Variants in KALRN observed in about 807,000 individuals in gnomAD.
KALRN encodes kalirin RhoGEF kinase, also known as kalirin.
In KALRN, 70 loss-of-function variants were observed where a neutral mutation model predicts 353.7. The observed-to-expected ratio is 0.20, with a 90% confidence interval of 0.16 to 0.24. The LOEUF (loss-of-function observed/expected upper bound fraction) is 0.24. KALRN is among the 10% of genes least tolerant of loss of function. KALRN has a pLI of 1.00. For missense variants in KALRN, 2,791 were observed against 3,756.7 expected, an observed-to-expected ratio of 0.74 and a Z score of 6.72; for synonymous variants, 1,391 against 1,434.8, an observed-to-expected ratio of 0.97 and a Z score of 0.69.
At chr3:124,122,374 A>T (rs999836529) in intron 1 of KALRN, among the ~76,000 whole-genome samples, 5 of 152,138 alleles carry the variant, frequency 3.3e-5, no homozygotes, top group Admixed American at 6.5e-5. Flanking sequence ...AATGATATGC[A>T]TGAAAGCTTG....
intron 1 of KALRN, among the ~76,000 whole-genome samples, chr3:124,035,409 A>G (rs1174268401): frequency 6.6e-6 from 1 of 152,170 alleles, no homozygotes; most frequent in Non-Finnish European, 1.5e-5. Context: ...CAGTCAATCA[A>G]AAACCCAGCT....
At chr3:124,337,730 C>T (rs529108830) in intron 9 of KALRN, among the ~76,000 whole-genome samples, 1 of 152,306 alleles carries the variant, frequency 6.6e-6, no homozygotes, top group South Asian at 2.1e-4. Context: ...ACCAGCTCCT[C>T]TTTGTATCTC....
chr3:124,354,196 AT>A (rs1258791572), intron 10 of KALRN, among the ~76,000 whole-genome samples: 1 of 152,210 alleles, frequency 6.6e-6, no homozygotes, highest in African/African-American at 2.4e-5. Flanking sequence ...TTCAGAAGAA[AT>A]TGGGGTTTTA....
chr3:124,288,802 A>C (rs1403605411), intron 5 of KALRN, among the ~76,000 whole-genome samples: 1 of 152,168 alleles, frequency 6.6e-6, no homozygotes, highest in East Asian at 1.9e-4. Flanking sequence ...TGGAAGTAAA[A>C]GGCATATTCC....
At chr3:124,328,569 T>G (rs889607977) in intron 7 of KALRN, among the ~76,000 whole-genome samples, 2 of 152,226 alleles carry the variant, frequency 1.3e-5, no homozygotes, top group African/African-American at 4.8e-5. Context: ...GATCTTAGCA[T>G]GTACATATTA....
At chr3:124,247,823 G>A (rs1199908868) in intron 3 of KALRN, among the ~76,000 whole-genome samples, 2 of 151,932 alleles carry the variant, frequency 1.3e-5, no homozygotes, top group Non-Finnish European at 2.9e-5. Flanking sequence ...TTTAGCTTGG[G>A]TGTAGGCACT....
intron 4 of KALRN, among the ~76,000 whole-genome samples, chr3:124,266,716 G>T (rs2073596844): frequency 6.6e-6 from 1 of 152,170 alleles, no homozygotes; most frequent in Non-Finnish European, 1.5e-5. Flanking sequence ...TGAGCACAAT[G>T]ACCTGACACT....
intron 1 of KALRN, among the ~76,000 whole-genome samples, chr3:124,120,638 T>C (rs1171715653): frequency 2.0e-5 from 3 of 150,388 alleles, no homozygotes; most frequent in Non-Finnish European, 1.5e-5. Context: ...GCTGATGGTC[T>C]AGAAGATACA....
chr3:124,449,989 T>C (rs1371943720), intron 21 of KALRN, among the ~76,000 whole-genome samples: 1 of 152,260 alleles, frequency 6.6e-6, no homozygotes, highest in Non-Finnish European at 1.5e-5. Context: ...CTGTCATGAA[T>C]AATGCTGCTA....
chr3:124,562,680 A>T, intron 33 of KALRN, 163 bp from the exon 34 acceptor site: 1 of 489,384 alleles, frequency 2.0e-6, no homozygotes, highest in Non-Finnish European at 3.3e-6. Flanking sequence ...ATCTTCTGCC[A>T]TCTCTCTGCC....
At chr3:124,342,144 G>T (rs576530982) in intron 9 of KALRN, among the ~76,000 whole-genome samples, 2 of 131,226 alleles carry the variant, frequency 1.5e-5, no homozygotes, top group East Asian at 4.7e-4. Flanking sequence ...AAGTCTGAGG[G>T]TATGCCTTTA....
At chr3:124,509,116 G>A (rs572584494) in intron 33 of KALRN, among the ~76,000 whole-genome samples, 1 of 152,186 alleles carries the variant, frequency 6.6e-6, no homozygotes, top group South Asian at 2.1e-4. Context: ...TCTCCTTATT[G>A]TGTCTTGATA....
At chr3:124,496,214 C>A in intron 32 of KALRN, 97 bp from the exon 33 acceptor site, 1 of 809,852 alleles carries the variant, frequency 1.2e-6, no homozygotes, top group Non-Finnish European at 2.1e-6. Flanking sequence ...AGTGCTGAGG[C>A]GCTGCTCTGC....
chr3:124,390,547 A>G (rs2089203103), intron 11 of KALRN, among the ~76,000 whole-genome samples: 1 of 152,160 alleles, frequency 6.6e-6, no homozygotes, highest in South Asian at 2.1e-4. Flanking sequence ...CTTATCCTCT[A>G]TTTTACTTGC....
intron 1 of KALRN, among the ~76,000 whole-genome samples, chr3:124,200,819 GGTGTAA>G (rs1024344412): frequency 5.9e-5 from 9 of 152,252 alleles, no homozygotes; most frequent in Middle Eastern, 3.4e-3. Flanking sequence ...TTGGGAGGGT[GGTGTAA>G]GTGTCCTTTT....
chr3:124,593,719 A>G (rs887614591), intron 34 of KALRN, among the ~76,000 whole-genome samples: 3 of 152,242 alleles, frequency 2.0e-5, no homozygotes, highest in Non-Finnish European at 4.4e-5. Context: ...CAGGGGTGTC[A>G]GGGAATAGGA....
intron 32 of KALRN, among the ~76,000 whole-genome samples, chr3:124,493,696 A>G (rs1213634360): frequency 3.9e-5 from 6 of 152,240 alleles, no homozygotes; most frequent in Non-Finnish European, 8.8e-5. Context: ...ACCAACCAGG[A>G]CAAGCAGGGT....
intron 11 of KALRN, among the ~76,000 whole-genome samples, chr3:124,394,558 C>T (rs1180474194): frequency 1.3e-5 from 2 of 152,090 alleles, no homozygotes; most frequent in African/African-American, 2.4e-5. Context: ...GAAAATGTCT[C>T]ATATATTTAT....
chr3:124,240,525 G>A (rs76976007), intron 3 of KALRN, among the ~76,000 whole-genome samples: 2,890 of 152,234 alleles, frequency 0.019, 91 homozygotes, highest in African/African-American at 0.065. Context: ...CAGGAACTGT[G>A]GCCTTCAGTG....
Sources: allele counts gnomAD v4.1 joint callset (sites outside exome capture counted in the v4.1 genomes callset), GRCh38; gene constraint gnomAD v4.1.1; transcripts MANE v1.5; gene names NCBI Gene and HGNC (gene_info 2026-07-23, HGNC 2026-07-21).